Variants in NAV2 observed in about 807,000 individuals in gnomAD.
NAV2 encodes helicase, APC down-regulated 1.
In NAV2, 54 loss-of-function variants were observed where a neutral mutation model predicts 223.2. The observed-to-expected ratio is 0.24, with a 90% CI of 0.19 to 0.30. The LOEUF is 0.30. NAV2 is among the 10% of genes least tolerant of loss of function. The pLI, the probability that NAV2 is intolerant of heterozygous loss-of-function variation, is 1.00. For synonymous variants in NAV2, 1,279 were observed against 1,239.3 expected (o/e 1.03, Z -0.67); for missense variants, 2,806 against 3,147.5 (o/e 0.89, Z 2.60).
intron 4 of NAV2, among the ~76,000 whole-genome samples, chr11:19,877,560 C>T (rs1207009582): frequency 3.5e-5 from 5 of 144,150 alleles, no homozygotes; most frequent in Admixed American, 7.0e-5. Flanking sequence ...GCAAGCTCCG[C>T]CTCCCGGGTT....
At chr11:19,706,697 C>T (rs868379419) in intron 1 of NAV2, among the ~76,000 whole-genome samples, 1 of 152,224 alleles carries the variant, frequency 6.6e-6, no homozygotes, top group East Asian at 1.9e-4. Flanking sequence ...AAGCCAGGCA[C>T]ATAGATGGCT....
At chr11:19,791,620 A>C (rs1485679343) in intron 1 of NAV2, among the ~76,000 whole-genome samples, 4 of 152,204 alleles carry the variant, frequency 2.6e-5, no homozygotes, top group Admixed American at 2.6e-4. Flanking sequence ...ATGTGAGAAC[A>C]TCTGTGACTG....
At chr11:19,912,814 G>A (rs565895219) in intron 6 of NAV2, among the ~76,000 whole-genome samples, 1 of 152,286 alleles carries the variant, frequency 6.6e-6, no homozygotes, top group Non-Finnish European at 1.5e-5. Context: ...TCCCTAAGCT[G>A]TACTGCAGTT....
chr11:20,008,260 G>A (rs949583213), intron 11 of NAV2, among the ~76,000 whole-genome samples: 2 of 152,074 alleles, frequency 1.3e-5, no homozygotes, highest in Non-Finnish European at 2.9e-5. Flanking sequence ...CCAGCTACTA[G>A]GGAGGCTGAG....
intron 10 of NAV2, among the ~76,000 whole-genome samples, chr11:19,950,658 C>T (rs1182109329): frequency 6.6e-6 from 1 of 152,156 alleles, no homozygotes; most frequent in Non-Finnish European, 1.5e-5. Context: ...TCTTTGAAAA[C>T]AGAATCCACC....
intron 8 of NAV2, 136 bp downstream of exon 8, chr11:19,939,909 TTC>T (rs2046259120): frequency 1.0e-4 from 41 of 394,350 alleles, no homozygotes; most frequent in Middle Eastern, 7.2e-4. Context: ...CAAACTTTCT[TTC>T]TTTTTTTTTT....
intron 1 of NAV2, among the ~76,000 whole-genome samples, chr11:19,659,816 G>A (rs540786396): frequency 6.6e-6 from 1 of 152,250 alleles, no homozygotes; most frequent in East Asian, 1.9e-4. Context: ...CAGTCCCTGA[G>A]AGCCTCAGTT....
chr11:19,545,432 G>T (rs1275501378), intron 1 of NAV2, among the ~76,000 whole-genome samples: 3 of 150,552 alleles, frequency 2.0e-5, no homozygotes, highest in Non-Finnish European at 4.4e-5. Flanking sequence ...CTGCCAGGTG[G>T]ATGGTGAAAG....
intron 1 of NAV2, among the ~76,000 whole-genome samples, chr11:19,588,311 G>A (rs2045957529): frequency 6.6e-6 from 1 of 152,084 alleles, no homozygotes; most frequent in Admixed American, 6.6e-5. Context: ...TATAAATTTG[G>A]GAGTATCCAA....
At chr11:19,424,739 T>G (rs904923138) in intron 1 of NAV2, among the ~76,000 whole-genome samples, 1 of 151,910 alleles carries the variant, frequency 6.6e-6, no homozygotes, top group Non-Finnish European at 1.5e-5. Context: ...TTAGCAGAGA[T>G]AGGGTTTCGC....
Position 20,095,301 on chromosome 11 carries a change from A to C in NAV2, c.5917-371A>C, listed in dbSNP as rs189927705. 9.4e-4 allele frequency among the ~76,000 whole-genome samples: 143 copies of C among 152,350 alleles called. 1 individual carries two copies. Among genetic ancestry groups the C allele is most frequent in the African/African-American group, 3.2e-3 (133 of 41,588 alleles). On this transcript the variant is annotated intron_variant, in intron 29 of 37. Coordinates refer to ENST00000349880, the MANE Select transcript of NAV2 (RefSeq NM_145117.5). ...CTGAGCCTGATGGGGTTAATCACTG[A>C]AGGCTTCCTGGAAGAGGTGAGTTTA... is the stretch of plus-strand genomic sequence containing the variant.
intron 1 of NAV2, among the ~76,000 whole-genome samples, chr11:19,786,869 A>G (rs147074374): frequency 3.5e-4 from 53 of 152,254 alleles, no homozygotes; most frequent in Non-Finnish European, 5.9e-4. Flanking sequence ...GTGCACCTGT[A>G]GCCTCAGCTA....
intron 1 of NAV2, among the ~76,000 whole-genome samples, chr11:19,385,909 C>T (rs1183622157): frequency 6.6e-6 from 1 of 151,932 alleles, no homozygotes; most frequent in African/African-American, 2.4e-5. Context: ...CTACAGGCGC[C>T]CGCCACCATG....
At chr11:20,100,890 G>A (rs2061594186) in intron 31 of NAV2, 47 bp from the exon 32 acceptor site, 1 of 1,552,152 alleles carries the variant, frequency 6.4e-7, no homozygotes, top group South Asian at 1.1e-5. Context: ...ACAGAGAGCT[G>A]CCTTTTCTAC....
chr11:19,744,603 G>T lies in NAV2; in HGVS notation c.267+30641G>T, dbSNP rs189377582. Among the ~76,000 whole-genome samples, 183 of 152,032 alleles carry T rather than the reference G, an allele frequency of 1.2e-3. 1 individual carries two copies. The highest frequency in any genetic ancestry group is 2.4e-3 in the Admixed American group (36 of 15,284). ...AAGATTTGTGACATGGGTATAAAAGGAATAGAAAACACTCATGTTTTCTCC... is the reference window on the plus strand; with the variant it reads ...AAGATTTGTGACATGGGTATAAAAGTAATAGAAAACACTCATGTTTTCTCC... On this transcript the variant is annotated intron_variant, in intron 1 of 37. Transcript: ENST00000349880.
At chr11:19,534,642 C>T (rs1421282375) in intron 1 of NAV2, among the ~76,000 whole-genome samples, 1 of 152,170 alleles carries the variant, frequency 6.6e-6, no homozygotes, top group Admixed American at 6.5e-5. Context: ...GGATGGCTCC[C>T]AGGGAGCAGG....
chr11:19,661,148 C>T (rs2048271365), intron 1 of NAV2, among the ~76,000 whole-genome samples: 1 of 152,172 alleles, frequency 6.6e-6, no homozygotes, highest in Non-Finnish European at 1.5e-5. Context: ...AGCTTTCTGT[C>T]TGTATGAATT....
intron 1 of NAV2, among the ~76,000 whole-genome samples, chr11:19,374,358 C>G (rs1393876942): frequency 7.1e-6 from 1 of 140,582 alleles, no homozygotes; most frequent in African/African-American, 2.7e-5. Flanking sequence ...AATGACTCAC[C>G]ATGTAACTGT....
chr11:19,670,616 A>G (rs2048550462), intron 1 of NAV2, among the ~76,000 whole-genome samples: 1 of 152,134 alleles, frequency 6.6e-6, no homozygotes, highest in Admixed American at 6.5e-5. Flanking sequence ...ACTGCTGACC[A>G]AGCATCTCTC....
Sources: allele counts gnomAD v4.1 joint callset (sites outside exome capture counted in the v4.1 genomes callset), GRCh38; gene constraint gnomAD v4.1.1; transcripts MANE v1.5; gene names NCBI Gene and HGNC (gene_info 2026-07-23, HGNC 2026-07-21).